The following BRINP1 variants were observed in gnomAD, a reference collection of about 807,000 sequenced individuals.
BRINP1 encodes the protein BMP/retinoic acid-inducible neural-specific protein 1.
In BRINP1, 17 loss-of-function variants were observed where a neutral mutation model predicts 72.9. The ratio of observed to expected loss-of-function variants is 0.23; its 90% CI spans 0.16 to 0.35. The LOEUF (loss-of-function observed/expected upper bound fraction) is 0.35. Ranked by LOEUF, BRINP1 falls within the 10% of genes least tolerant of loss-of-function variation. The pLI, the probability that BRINP1 is intolerant of heterozygous loss-of-function variation, is 1.00. For missense variants in BRINP1, 850 were observed against 1,001.6 expected (o/e 0.85, Z 2.04); for synonymous variants, 418 against 378.5 (o/e 1.10, Z -1.21).
At chr9:119,240,495 A>C (rs1209420355) in intron 4 of BRINP1, among the ~76,000 whole-genome samples, 1 of 152,196 alleles carries the variant, frequency 6.6e-6, no homozygotes, top group Non-Finnish European at 1.5e-5. Context: ...AAGGAGGATT[A>C]TCTTCTGACA....
chr9:119,207,156 C>G, intron 7 of BRINP1, among the ~76,000 whole-genome samples: 1 of 151,984 alleles, frequency 6.6e-6, no homozygotes, highest in East Asian at 1.9e-4. Context: ...TTGGCTAGTA[C>G]AATCAGGAAA....
At chr9:119,186,183 T>G (rs539336935) in intron 7 of BRINP1, among the ~76,000 whole-genome samples, 2 of 152,080 alleles carry the variant, frequency 1.3e-5, no homozygotes, top group African/African-American at 2.4e-5. Flanking sequence ...GTGGAGAAGC[T>G]ATGTCTGGGA....
intron 5 of BRINP1, among the ~76,000 whole-genome samples, chr9:119,223,518 T>C (rs1214888526): frequency 6.6e-6 from 1 of 152,072 alleles, no homozygotes; most frequent in Non-Finnish European, 1.5e-5. Context: ...ATGGGACACT[T>C]ACAGTATCAT....
chr9:119,167,592 T>G lies in BRINP1; in HGVS notation c.1778A>C (p.Gln593Pro). 6.2e-7 allele frequency: 1 copy of G among 1,614,198 alleles called. No individual in the cohort carries two copies. ...GYPRWEKIRL[Q>P]NSQCYNWTLL... The stretch of plus-strand genomic sequence containing the variant: ...AGTCCAGTTGTAGCACTGGCTGTTT[T>G]GGAGACGGATCTTCTCCCAGCGTGG... Residue 593 changes from glutamine to proline, a missense_variant, in exon 8 of 8, where the codon CAA (glutamine) becomes CCA (proline). Physicochemically the swap from Gln to Pro is moderately conservative, Grantham distance 76. Transcript: ENST00000265922. The surrounding 1 kb of genome is among the most constrained non-coding windows in gnomAD (Gnocchi z 4.3).
chr9:119,359,261 A>G (rs1831604453), intron 1 of BRINP1, among the ~76,000 whole-genome samples: 1 of 152,198 alleles, frequency 6.6e-6, no homozygotes, highest in South Asian at 2.1e-4. Context: ...TGGCATGATC[A>G]CAGCTCACTG....
At chr9:119,257,202 A>G (rs1295787812) in intron 2 of BRINP1, among the ~76,000 whole-genome samples, 1 of 152,220 alleles carries the variant, frequency 6.6e-6, no homozygotes, top group African/African-American at 2.4e-5. Flanking sequence ...GATTCCCTCA[A>G]TGCTACAATA....
chr9:119,229,476 G>A (rs1005458870), intron 5 of BRINP1, among the ~76,000 whole-genome samples: 30 of 151,990 alleles, frequency 2.0e-4, no homozygotes, highest in Non-Finnish European at 3.2e-4. Context: ...ACTAAGGTCC[G>A]TTTGACTCCA....
chr9:119,281,917 T>A (rs1262710555), intron 2 of BRINP1, among the ~76,000 whole-genome samples: 2 of 152,220 alleles, frequency 1.3e-5, no homozygotes, highest in African/African-American at 4.8e-5. Flanking sequence ...GTATTCAGCT[T>A]GTTTTCATGT....
At position 119,201,415 on chromosome 9, in the gene BRINP1, T is replaced by C. The variant is rs138291399; in HGVS notation, c.1145+7304A>G. Among the ~76,000 whole-genome samples, 3 of 152,338 alleles carry C rather than the reference T, an allele frequency of 2.0e-5. No homozygotes were observed. In the East Asian group the frequency reaches 5.8e-4, roughly 29 times the overall value. On this transcript the variant is annotated intron_variant, in intron 7 of 7. Coordinates refer to ENST00000265922, the MANE Select transcript of BRINP1 (RefSeq NM_014618.3). ...GGACCTCAGAGATAATTGAGTCTTG[T>C]TGTTTTTGTTTTAGCAAAACAGAAA...
chr9:119,170,464 A>C (rs2118819976), intron 7 of BRINP1, among the ~76,000 whole-genome samples: 1 of 151,916 alleles, frequency 6.6e-6, no homozygotes, highest in South Asian at 2.1e-4. Context: ...AAAGCCTCCA[A>C]GAAATATGGG....
chr9:119,283,252 A>T (rs1338657463), intron 2 of BRINP1: 25 of 882,340 alleles, frequency 2.8e-5, no homozygotes, highest in Non-Finnish European at 3.4e-5. Context: ...CAGCTGCCTC[A>T]GCATCACCTG....
At chr9:119,366,773 G>GTAT (rs1165713385) in intron 1 of BRINP1, among the ~76,000 whole-genome samples, 1 of 151,846 alleles carries the variant, frequency 6.6e-6, no homozygotes, top group Non-Finnish European at 1.5e-5. Flanking sequence ...AGTGGAAAGG[G>GTAT]TATTGATCTA....
intron 1 of BRINP1, among the ~76,000 whole-genome samples, chr9:119,334,153 C>T (rs1022362618): frequency 1.3e-5 from 2 of 152,204 alleles, no homozygotes; most frequent in African/African-American, 4.8e-5. Context: ...GATCCTTTGC[C>T]TCAAAATATC....
intron 7 of BRINP1, among the ~76,000 whole-genome samples, chr9:119,203,269 T>C (rs1193377021): frequency 6.6e-6 from 1 of 152,170 alleles, no homozygotes; most frequent in Non-Finnish European, 1.5e-5. Flanking sequence ...AATCTGCTCC[T>C]TACCTGCCCA....
intron 2 of BRINP1, among the ~76,000 whole-genome samples, chr9:119,254,483 C>T (rs978021369): frequency 6.6e-6 from 1 of 152,034 alleles, no homozygotes; most frequent in African/African-American, 2.4e-5. Context: ...GTGTTTGACA[C>T]ATTTGGGAAA....
At chr9:119,331,821 G>A (rs915653437) in intron 1 of BRINP1, among the ~76,000 whole-genome samples, 1 of 152,148 alleles carries the variant, frequency 6.6e-6, no homozygotes, top group Admixed American at 6.5e-5. Flanking sequence ...GGTCAAAATC[G>A]CCAGGGATGC....
At chr9:119,286,058 T>G (rs539652687) in intron 2 of BRINP1, among the ~76,000 whole-genome samples, 1 of 152,280 alleles carries the variant, frequency 6.6e-6, no homozygotes, top group South Asian at 2.1e-4. Context: ...TCATCATTAA[T>G]ATGAATATCA....
At chr9:119,285,830 C>T (rs888493565) in intron 2 of BRINP1, among the ~76,000 whole-genome samples, 24 of 152,230 alleles carry the variant, frequency 1.6e-4, no homozygotes, top group African/African-American at 5.5e-4. Flanking sequence ...GTGACTCCAG[C>T]GGGGCTCTTT....
At chr9:119,238,015 CTTTTA>C (rs1458680731) in intron 5 of BRINP1, among the ~76,000 whole-genome samples, 13 of 152,066 alleles carry the variant, frequency 8.5e-5, no homozygotes, top group Admixed American at 8.5e-4. Context: ...CATCAGAAAC[CTTTTA>C]TTTATTAACA....
Sources: allele counts gnomAD v4.1 joint callset (sites outside exome capture counted in the v4.1 genomes callset), GRCh38; gene constraint gnomAD v4.1.1; non-coding constraint Gnocchi (gnomAD v3.1); transcripts MANE v1.5; gene names NCBI Gene and HGNC (gene_info 2026-07-23, HGNC 2026-07-21).